Variants in ARID1B observed in about 807,000 individuals in gnomAD.
The protein encoded by ARID1B is AT-rich interaction domain 1B.
In ARID1B, 30 loss-of-function variants were observed where a neutral mutation model predicts 212.3. That is an observed-to-expected ratio of 0.14 (90% CI 0.11 to 0.19). ARID1B has a LOEUF of 0.19. ARID1B is among the 10% of genes least tolerant of loss of function. ARID1B has a pLI of 1.00. For synonymous variants in ARID1B, 1,402 were observed against 1,301.7 expected, an observed-to-expected ratio of 1.08 and a Z score of -1.66; for missense variants, 2,891 against 3,204.0, an observed-to-expected ratio of 0.90 and a Z score of 2.36.
intron 7 of ARID1B, among the ~76,000 whole-genome samples, chr6:157,147,608 C>G (rs1221896446): frequency 8.8e-6 from 1 of 113,154 alleles, no homozygotes; most frequent in South Asian, 3.1e-4. Flanking sequence ...GTCCCCCACC[C>G]CCGCCTCCGA....
intron 2 of ARID1B, among the ~76,000 whole-genome samples, chr6:156,837,482 G>C (rs1019080626): frequency 6.6e-6 from 1 of 152,050 alleles, no homozygotes; most frequent in African/African-American, 2.4e-5. Context: ...AGGCTAGATG[G>C]CTTTGTTTTT....
At chr6:156,887,215 G>A (rs1306981271) in intron 2 of ARID1B, among the ~76,000 whole-genome samples, 1 of 152,190 alleles carries the variant, frequency 6.6e-6, no homozygotes, top group African/African-American at 2.4e-5. Flanking sequence ...GTGTCAGTGT[G>A]CAGCCTCCTC....
intron 2 of ARID1B, among the ~76,000 whole-genome samples, chr6:156,876,267 T>C (rs1485615059): frequency 2.0e-5 from 3 of 152,236 alleles, no homozygotes; most frequent in Non-Finnish European, 2.9e-5. Flanking sequence ...TAAGATGATA[T>C]TGTGGTGGTG....
intron 5 of ARID1B, among the ~76,000 whole-genome samples, chr6:157,095,046 T>C (rs372796144): frequency 3.6e-4 from 55 of 152,160 alleles, no homozygotes; most frequent in African/African-American, 1.3e-3. Context: ...GGCAGTATTT[T>C]GGTGGGAAAA....
chr6:156,783,542 A>T (rs547324378), intron 1 of ARID1B, among the ~76,000 whole-genome samples: 1 of 152,306 alleles, frequency 6.6e-6, no homozygotes, highest in South Asian at 2.1e-4. Flanking sequence ...GGGTGTATCT[A>T]TCTAAAAAGA....
Position 156,793,031 on chromosome 6 carries a change from C to T in ARID1B, c.1791+13560C>T, listed in dbSNP as rs113542599. Among the ~76,000 whole-genome samples, 359 of 152,228 alleles carry T rather than the reference C, an allele frequency of 2.4e-3. 1 individual carries two copies. Among genetic ancestry groups the T allele is most frequent in the African/African-American group, 8.1e-3 (338 of 41,512 alleles). On this transcript the variant is annotated intron_variant, in intron 1 of 19. Transcript: ENST00000636930. ...GTGGGGGCTTTCGTGGACTGCAGTTCGCATGGCAGGCATAAGGAGCGCTAA... is the reference window on the plus strand; with the variant it reads ...GTGGGGGCTTTCGTGGACTGCAGTTTGCATGGCAGGCATAAGGAGCGCTAA...
At chr6:157,052,298 TC>T (rs1026739419) in intron 4 of ARID1B, among the ~76,000 whole-genome samples, 2 of 152,202 alleles carry the variant, frequency 1.3e-5, no homozygotes, top group African/African-American at 4.8e-5. Context: ...GAAGAATTGA[TC>T]AGGGAATAGC....
chr6:156,896,576 CAAAA>C lies in ARID1B; in HGVS notation c.1987-4779_1987-4776del, dbSNP rs72490811. On this transcript the variant is annotated intron_variant, in intron 2 of 19. Coordinates refer to ENST00000636930, the MANE Select transcript of ARID1B (RefSeq NM_001374828.1). ...GGGCAACAAGAGCAAAACTGCGTCT[CAAAA>C]AAAAAAAAAAAAAAAAAAAAGAGGA... Among the ~76,000 whole-genome samples, 210 of 45,904 alleles carry C rather than the reference CAAAA, an allele frequency of 4.6e-3. 1 individual carries two copies. Among genetic ancestry groups the C allele is most frequent in the African/African-American group, 0.021 (195 of 9,414 alleles). 30.1% of individuals were successfully genotyped at this position (45,904 alleles called of 152,430 possible).
At chr6:156,966,381 C>CTTTCTTTTTT (rs1794742120) in intron 4 of ARID1B, among the ~76,000 whole-genome samples, 2 of 89,436 alleles carry the variant, frequency 2.2e-5, no homozygotes, top group African/African-American at 7.6e-5. Context: ...CTTTTCTTTT[C>CTTTCTTTTTT]TTTTCTTTTT....
chr6:157,028,053 C>T (rs1780773530), intron 4 of ARID1B, among the ~76,000 whole-genome samples: 1 of 151,998 alleles, frequency 6.6e-6, no homozygotes, highest in Admixed American at 6.6e-5. Context: ...GCTTCATAAA[C>T]TGTGTGTGTA....
chr6:157,205,952 T>C (rs573124140), intron 19 of ARID1B: 1 of 592,592 alleles, frequency 1.7e-6, no homozygotes, highest in Non-Finnish European at 3.0e-6. Context: ...ATAAGGAACA[T>C]GCTAAACATC....
At chr6:157,186,334 C>G in intron 13 of ARID1B, 1 of 411,228 alleles carries the variant, frequency 2.4e-6, no homozygotes. Flanking sequence ...CAAATGGACT[C>G]CTGGTATACA....
intron 4 of ARID1B, among the ~76,000 whole-genome samples, chr6:157,034,697 C>G (rs1781215038): frequency 6.6e-6 from 1 of 152,156 alleles, no homozygotes. Flanking sequence ...CTCTTAGACT[C>G]AGCGTGAAAA....
chr6:157,039,016 G>A (rs1192704159), intron 4 of ARID1B, among the ~76,000 whole-genome samples: 6 of 151,668 alleles, frequency 4.0e-5, no homozygotes, highest in Non-Finnish European at 5.9e-5. Flanking sequence ...CGATGCTCCC[G>A]CCAGCCATGT....
At chr6:156,866,200 G>A (rs1304917790) in intron 2 of ARID1B, among the ~76,000 whole-genome samples, 2 of 152,202 alleles carry the variant, frequency 1.3e-5, no homozygotes, top group Non-Finnish European at 2.9e-5. Context: ...GGATTCTGTG[G>A]ATACTGCTGT....
Position 156,778,847 on chromosome 6 carries a change from GGGCGGCGGCGGCGGCGGCGGC to G in ARID1B, c.1173_1193del (p.Gly396_Gly402del). ...ATCCGGGCTACAGCCGGCCCGGCGCGGGCGGCGGCGGCGGCGGCGGCGGCGGAGGAGGAGGAGGCAGCGGAG... is the reference window on the plus strand; with the variant it reads ...ATCCGGGCTACAGCCGGCCCGGCGCGGGCGGAGGAGGAGGAGGCAGCGGAG... On this transcript the variant is annotated inframe_deletion, in exon 1 of 20. Transcript: ENST00000636930. 1 of 1,403,486 alleles carries G rather than the reference GGGCGGCGGCGGCGGCGGCGGC, an allele frequency of 7.1e-7. No individual in the cohort carries two copies. Among genetic ancestry groups the G allele is most frequent in the East Asian group, 3.1e-5 (1 of 32,468 alleles). 86.9% of individuals were successfully genotyped at this position (1,403,486 alleles called of 1,614,324 possible). A position where few individuals can be genotyped will look rare whatever the true frequency, so the allele number is the denominator to read the frequency against.
intron 4 of ARID1B, among the ~76,000 whole-genome samples, chr6:156,973,457 A>G (rs979200648): frequency 6.6e-6 from 1 of 152,134 alleles, no homozygotes; most frequent in Non-Finnish European, 1.5e-5. Flanking sequence ...TTTTAATAGC[A>G]TATGTAGGGT....
intron 3 of ARID1B, among the ~76,000 whole-genome samples, chr6:156,931,399 T>C (rs1022101231): frequency 6.6e-6 from 1 of 152,212 alleles, no homozygotes; most frequent in Non-Finnish European, 1.5e-5. Context: ...GTAATAGTTA[T>C]CTTTACCCTT....
chr6:156,837,341 T>C (rs1012695552), intron 2 of ARID1B, among the ~76,000 whole-genome samples: 11 of 152,198 alleles, frequency 7.2e-5, no homozygotes, highest in Non-Finnish European at 1.5e-4. Context: ...ATTGCTACTT[T>C]CTAAGTAGTT....
Sources: gnomAD v4.1 joint callset for allele counts (sites outside exome capture counted in the v4.1 genomes callset) on GRCh38, gnomAD v4.1.1 for gene constraint, MANE v1.5 for transcripts, NCBI Gene and HGNC (gene_info 2026-07-23, HGNC 2026-07-21) for gene names.